SLC8A3: variants seen among roughly 807,000 people sequenced by gnomAD.
The protein encoded by SLC8A3 is sodium/calcium exchanger 3.
In SLC8A3, 37 loss-of-function variants were observed where a neutral mutation model predicts 65.4. The ratio of observed to expected loss-of-function variants is 0.57; its 90% confidence interval spans 0.44 to 0.74. SLC8A3 has a LOEUF of 0.74. Among genes scored for constraint, SLC8A3 ranks in the 30% least tolerant of loss-of-function variants. The pLI is 0.00. For missense variants in SLC8A3, 1,112 were observed against 1,172.1 expected (o/e 0.95, Z 0.75); for synonymous variants, 461 against 444.5 (o/e 1.04, Z -0.47).
chr14:70,058,574 A>T (rs1566741546), intron 3 of SLC8A3, among the ~76,000 whole-genome samples: 1 of 152,154 alleles, frequency 6.6e-6, no homozygotes, highest in Non-Finnish European at 1.5e-5. Flanking sequence ...GGCATTGCTG[A>T]CATTTCCTTG....
At chr14:70,120,382 A>G (rs757407346) in intron 2 of SLC8A3, among the ~76,000 whole-genome samples, 29 of 152,212 alleles carry the variant, frequency 1.9e-4, no homozygotes, top group Non-Finnish European at 3.5e-4. Context: ...AAGGTGGGAA[A>G]GGTGTGCATT....
At chr14:70,140,308 C>T (rs1440119131) in intron 2 of SLC8A3, among the ~76,000 whole-genome samples, 1 of 152,186 alleles carries the variant, frequency 6.6e-6, no homozygotes, top group Non-Finnish European at 1.5e-5. Flanking sequence ...AGTCCCCATG[C>T]ATCATATCAC....
intron 5 of SLC8A3, among the ~76,000 whole-genome samples, chr14:70,050,344 A>G (rs1887341910): frequency 6.6e-6 from 1 of 152,152 alleles, no homozygotes; most frequent in Admixed American, 6.5e-5. Context: ...GTGGGTTGCT[A>G]TGACAACAAA....
intron 2 of SLC8A3, among the ~76,000 whole-genome samples, chr14:70,149,294 A>G (rs1029735843): frequency 6.6e-6 from 1 of 152,194 alleles, no homozygotes; most frequent in Non-Finnish European, 1.5e-5. Flanking sequence ...AGGCTGGAGA[A>G]TAGTTAATTC....
At chr14:70,080,256 T>G in intron 2 of SLC8A3, 3 of 985,180 alleles carry the variant, frequency 3.0e-6, no homozygotes, top group Non-Finnish European at 3.6e-6. Flanking sequence ...ACCACTGTGT[T>G]GCTATGGTGA....
chr14:70,183,564 C>T (rs1236657384), intron 1 of SLC8A3, among the ~76,000 whole-genome samples: 1 of 152,180 alleles, frequency 6.6e-6, no homozygotes, highest in African/African-American at 2.4e-5. Context: ...TCTCTTTTCC[C>T]CTAAGGCATC....
At chr14:70,108,399 C>CAAAAA (rs764907002) in intron 2 of SLC8A3, among the ~76,000 whole-genome samples, 12 of 92,042 alleles carry the variant, frequency 1.3e-4, no homozygotes, top group Admixed American at 5.1e-4. Flanking sequence ...GACTCCGTCT[C>CAAAAA]AAAAAAAAAA....
chr14:70,150,103 G>T (rs1221921823), intron 2 of SLC8A3, among the ~76,000 whole-genome samples: 1 of 152,208 alleles, frequency 6.6e-6, no homozygotes, highest in South Asian at 2.1e-4. Context: ...GGCCCAGATA[G>T]GTCAAATGGC....
intron 2 of SLC8A3, among the ~76,000 whole-genome samples, chr14:70,070,070 C>T (rs983833682): frequency 6.6e-6 from 1 of 152,142 alleles, no homozygotes; most frequent in Non-Finnish European, 1.5e-5. Context: ...CAAAGTCTAG[C>T]GTTTCAGTCA....
intron 2 of SLC8A3, among the ~76,000 whole-genome samples, chr14:70,114,374 G>A (rs922644603): frequency 4.6e-5 from 7 of 152,142 alleles, no homozygotes; most frequent in African/African-American, 1.7e-4. Context: ...TGGCTGAGCT[G>A]GGAATAGACT....
At position 70,167,745 on chromosome 14, in the gene SLC8A3, A is replaced by G. The variant is rs771822553; in HGVS notation, c.678T>C (p.Pro226=). 4 of 1,614,164 alleles carry G rather than the reference A, an allele frequency of 2.5e-6. No homozygotes were observed. The Admixed American group carries it at 6.7e-5, about 27-fold the overall frequency. ...GGCCTTCCCAAACCTGGACCACACC[A>G]GGGGAGAAGACTGCCAGAATCATAT... ...WLYMILAVFS[P]GVVQVWEGLL... The change falls in exon 2 of 7, where the codon CCT becomes CCC. Residue 226 remains proline (P), a synonymous_variant. Transcript: ENST00000356921.
At chr14:70,182,240 G>A (rs1882814927) in intron 1 of SLC8A3, among the ~76,000 whole-genome samples, 1 of 152,152 alleles carries the variant, frequency 6.6e-6, no homozygotes, top group African/African-American at 2.4e-5. Context: ...TGTCAGGTTA[G>A]TAAAAATTCA....
intron 1 of SLC8A3, among the ~76,000 whole-genome samples, chr14:70,169,076 T>TC (rs1897335982): frequency 2.0e-5 from 3 of 152,002 alleles, no homozygotes; most frequent in Non-Finnish European, 2.9e-5. Context: ...TCTCAATCGA[T>TC]TTTGAAATGA....
At chr14:70,100,823 G>A (rs758918225) in intron 2 of SLC8A3, among the ~76,000 whole-genome samples, 1 of 152,368 alleles carries the variant, frequency 6.6e-6, no homozygotes, top group African/African-American at 2.4e-5. Flanking sequence ...CCAGGAGACT[G>A]TTCTAGCTGT....
chr14:70,080,168 C>A (rs1890932508), intron 2 of SLC8A3: 4 of 985,286 alleles, frequency 4.1e-6, no homozygotes, highest in Non-Finnish European at 4.8e-6. Context: ...AGCTGTCATT[C>A]CCTAGGTTTT....
At chr14:70,138,006 C>G (rs926334216) in intron 2 of SLC8A3, among the ~76,000 whole-genome samples, 24 of 152,288 alleles carry the variant, frequency 1.6e-4, no homozygotes, top group African/African-American at 5.1e-4. Flanking sequence ...ATACACCTTT[C>G]CTGTCACTCC....
At chr14:70,085,892 C>A (rs1173743545) in intron 2 of SLC8A3, among the ~76,000 whole-genome samples, 1 of 152,134 alleles carries the variant, frequency 6.6e-6, no homozygotes, top group Non-Finnish European at 1.5e-5. Flanking sequence ...ACTCCTCTCT[C>A]AAAAATGATA....
chr14:70,168,271 G>A lies in SLC8A3; in HGVS notation c.152C>T (p.Ser51Leu). ...TGQNNESCSG[S>L]SDCKEGVILP... ...GATGACACCCTCCTTGCAGTCCGAT[G>A]ACCCTGAACAGGACTCATTGTTCTG... Residue 51 changes from serine to leucine, a missense_variant, in exon 2 of 7, where the codon TCA becomes TTA. Physicochemically the swap from Ser to Leu is moderately radical, Grantham distance 145. Transcript: ENST00000356921. The A allele has an allele frequency of 6.2e-7, 1 of 1,614,158 alleles. No homozygotes were observed. Among genetic ancestry groups the A allele is most frequent in the Non-Finnish European group, 8.5e-7 (1 of 1,180,030 alleles).
rs2139661540 is a variant in SLC8A3 at position 70,044,743 on chromosome 14, G to C, written c.*1204C>G. The C allele has an allele frequency of 6.6e-6, 1 of 152,212 alleles. No homozygotes were observed. Among genetic ancestry groups the C allele is most frequent in the East Asian group, 1.9e-4 (1 of 5,180 alleles). The allele number at this position is 152,212 out of a possible 1,614,324, so 9.4% of individuals were successfully genotyped here. A position where few individuals can be genotyped will look rare whatever the true frequency, so the allele number is the denominator to read the frequency against. ...ACCTGAGGGACCAGGAGAGGTGAAG[G>C]GAGCCCCTGGTTCTCTTATAAAATC... On this transcript the variant is annotated 3_prime_UTR_variant, in exon 7 of 7. Transcript: ENST00000356921.
Sources: allele counts gnomAD v4.1 joint callset (sites outside exome capture counted in the v4.1 genomes callset), GRCh38; gene constraint gnomAD v4.1.1; transcripts MANE v1.5; gene names NCBI Gene and HGNC (gene_info 2026-07-23, HGNC 2026-07-21).